Variants in CTNNA3 observed in about 807,000 individuals in gnomAD.
The protein encoded by CTNNA3 is catenin alpha-3.
In CTNNA3, 76 loss-of-function variants were observed where a neutral mutation model predicts 95.7. That is an observed-to-expected ratio of 0.79 (90% CI 0.66 to 0.96). The LOEUF is 0.96. Ranked by LOEUF, CTNNA3 falls within the 40% of genes least tolerant of loss-of-function variation. The pLI, the probability that CTNNA3 is intolerant of heterozygous loss-of-function variation, is 0.00. For missense variants in CTNNA3, 1,191 were observed against 1,089.8 expected, an observed-to-expected ratio of 1.09 and a Z score of -1.31; for synonymous variants, 431 against 374.4, an observed-to-expected ratio of 1.15 and a Z score of -1.74.
intron 7 of CTNNA3, among the ~76,000 whole-genome samples, chr10:66,841,776 AATGT>A (rs1843073269): frequency 6.6e-6 from 1 of 152,214 alleles, no homozygotes. Context: ...GGGCTAGTAT[AATGT>A]ATGGGTAATA....
chr10:67,333,257 C>T (rs1198954776), intron 5 of CTNNA3, among the ~76,000 whole-genome samples: 1 of 152,082 alleles, frequency 6.6e-6, no homozygotes, highest in Non-Finnish European at 1.5e-5. Context: ...AGAACTAAGA[C>T]TAAAATGGCT....
At chr10:65,982,260 T>A (rs1243791930) in intron 16 of CTNNA3, among the ~76,000 whole-genome samples, 2 of 150,830 alleles carry the variant, frequency 1.3e-5, no homozygotes, top group African/African-American at 2.4e-5. Context: ...TTCAACTCAC[T>A]AATTATCGGG....
At chr10:67,640,955 C>A (rs985421951) in intron 2 of CTNNA3, among the ~76,000 whole-genome samples, 1 of 152,136 alleles carries the variant, frequency 6.6e-6, no homozygotes, top group African/African-American at 2.4e-5. Flanking sequence ...GCAAGGACTT[C>A]ATGTCTAAAA....
At chr10:67,258,565 T>G (rs1866454639) in intron 5 of CTNNA3, among the ~76,000 whole-genome samples, 1 of 152,320 alleles carries the variant, frequency 6.6e-6, no homozygotes, top group South Asian at 2.1e-4. Context: ...CCGACAACTT[T>G]GAAAATTTTA....
chr10:67,319,551 C>T (rs1841218143), intron 5 of CTNNA3, among the ~76,000 whole-genome samples: 1 of 152,084 alleles, frequency 6.6e-6, no homozygotes, highest in South Asian at 2.1e-4. Context: ...ATCATTGATA[C>T]TGGTAAGGAC....
chr10:66,880,456 A>G (rs978384831), intron 7 of CTNNA3, among the ~76,000 whole-genome samples: 5 of 152,158 alleles, frequency 3.3e-5, no homozygotes, highest in Non-Finnish European at 7.4e-5. Context: ...GTGTATGTTC[A>G]GCTATTAATG....
intron 10 of CTNNA3, among the ~76,000 whole-genome samples, chr10:66,579,640 G>T (rs1033186604): frequency 1.3e-5 from 2 of 151,694 alleles, no homozygotes. Flanking sequence ...CTTCAACCAA[G>T]ATAGTCATTC....
chr10:65,967,108 C>T (rs2077986770), intron 16 of CTNNA3, among the ~76,000 whole-genome samples: 1 of 151,816 alleles, frequency 6.6e-6, no homozygotes, highest in African/African-American at 2.4e-5. Context: ...AGGCATGCGC[C>T]ACCACACCTG....
chr10:66,379,648 A>G (rs951696024), intron 11 of CTNNA3, among the ~76,000 whole-genome samples: 1 of 152,182 alleles, frequency 6.6e-6, no homozygotes, highest in Non-Finnish European at 1.5e-5. Flanking sequence ...AGAGGTGGAA[A>G]TTAAAGACAG....
chr10:66,103,069 C>T (rs565978538), intron 14 of CTNNA3, 88 bp downstream of exon 14: 2 of 1,035,814 alleles, frequency 1.9e-6, no homozygotes, highest in South Asian at 1.3e-5. Flanking sequence ...AGGAGTCCCA[C>T]CCATTAGAGG....
At chr10:67,235,114 A>G (rs1412185693) in intron 5 of CTNNA3, among the ~76,000 whole-genome samples, 2 of 152,132 alleles carry the variant, frequency 1.3e-5, no homozygotes, top group East Asian at 3.9e-4. Context: ...ATTCAATGCC[A>G]TCCCCATCAA....
chr10:67,664,470 G>T (rs1840279755), intron 1 of CTNNA3, among the ~76,000 whole-genome samples: 1 of 152,088 alleles, frequency 6.6e-6, no homozygotes, highest in Non-Finnish European at 1.5e-5. Flanking sequence ...GAAGGCAACT[G>T]GTTTGTATGA....
rs58455418 is a variant in CTNNA3 at position 66,534,469 on chromosome 10, CATATAT to C, written c.1375-13702_1375-13697del. 3.1e-3 allele frequency among the ~76,000 whole-genome samples: 458 copies of C among 146,914 alleles called. 5 individuals are homozygous for C. The highest frequency in any genetic ancestry group is 9.8e-3 in the African/African-American group (395 of 40,114). ...AACTAGGATAGGATTTTATAAAAAT[CATATAT>C]ATATATATATATATATATATATATA... On this transcript the variant is annotated intron_variant, in intron 10 of 17. Transcript: ENST00000433211.
intron 13 of CTNNA3, among the ~76,000 whole-genome samples, chr10:66,130,425 T>TG (rs2083032332): frequency 7.0e-6 from 1 of 143,042 alleles, no homozygotes; most frequent in East Asian, 2.2e-4. Flanking sequence ...AATCAGGATC[T>TG]GTTTTTTTTT....
At chr10:66,391,355 AAT>A (rs1395274922) in intron 11 of CTNNA3, among the ~76,000 whole-genome samples, 1 of 152,144 alleles carries the variant, frequency 6.6e-6, no homozygotes. Flanking sequence ...TATTTCTCTC[AAT>A]ATGTCTTAAG....
intron 3 of CTNNA3, among the ~76,000 whole-genome samples, chr10:67,579,552 C>A (rs1487110644): frequency 6.6e-6 from 1 of 152,048 alleles, no homozygotes; most frequent in Non-Finnish European, 1.5e-5. Context: ...GATTTATGAT[C>A]CTTTGGGTAT....
intron 5 of CTNNA3, among the ~76,000 whole-genome samples, chr10:67,519,430 G>A (rs924210451): frequency 4.6e-5 from 7 of 152,106 alleles, no homozygotes; most frequent in Non-Finnish European, 1.5e-5. Context: ...AATACATAGG[G>A]GCAAGGGAAA....
chr10:66,529,456 T>TTTG (rs1841389562), intron 10 of CTNNA3, among the ~76,000 whole-genome samples: 1 of 150,738 alleles, frequency 6.6e-6, no homozygotes, highest in African/African-American at 2.5e-5. Flanking sequence ...TTTTGTTTTT[T>TTTG]TTTTTTAATA....
At position 66,302,424 on chromosome 10, in the gene CTNNA3, T is replaced by C. The variant is rs1243606445; in HGVS notation, c.1733-21803A>G. 3.0e-4 allele frequency among the ~76,000 whole-genome samples: 46 copies of C among 152,098 alleles called. 1 individual carries two copies. Among genetic ancestry groups the C allele is most frequent in the Admixed American group, 3.0e-3 (46 of 15,266 alleles). On this transcript the variant is annotated intron_variant, in intron 12 of 17. Transcript: ENST00000433211. ...CACTACCTGACTTCAAGACCTACTATAAAGCTACAGTAATCATGACAGCAT... is the reference window on the plus strand; with the variant it reads ...CACTACCTGACTTCAAGACCTACTACAAAGCTACAGTAATCATGACAGCAT...
Sources: allele counts gnomAD v4.1 joint callset (sites outside exome capture counted in the v4.1 genomes callset), GRCh38; gene constraint gnomAD v4.1.1; transcripts MANE v1.5; gene names NCBI Gene and HGNC (gene_info 2026-07-23, HGNC 2026-07-21).